The following CNTNAP2 variants were observed in gnomAD, a reference collection of about 807,000 sequenced individuals.
CNTNAP2 encodes contactin associated protein 2, also known as contactin-associated protein-like 2.
CNTNAP2 carries 98 observed loss-of-function variants against 155.2 expected under a neutral mutation model. The ratio of observed to expected loss-of-function variants is 0.63; its 90% CI spans 0.54 to 0.75. CNTNAP2 has a LOEUF of 0.75. Among genes scored for constraint, CNTNAP2 ranks in the 30% least tolerant of loss-of-function variants. The pLI, the probability that CNTNAP2 is intolerant of heterozygous loss-of-function variation, is 0.00. For synonymous variants in CNTNAP2, 651 were observed against 631.2 expected (o/e 1.03, Z -0.47); for missense variants, 1,727 against 1,688.1 (o/e 1.02, Z -0.40).
intron 2 of CNTNAP2, among the ~76,000 whole-genome samples, chr7:146,786,394 T>C (rs960715739): frequency 2.6e-5 from 4 of 152,226 alleles, no homozygotes; most frequent in Admixed American, 1.3e-4. Flanking sequence ...AATTAGTGAC[T>C]TTTTCACATT....
At chr7:147,491,172 C>T (rs1408560226) in intron 11 of CNTNAP2, among the ~76,000 whole-genome samples, 2 of 152,166 alleles carry the variant, frequency 1.3e-5, no homozygotes, top group South Asian at 4.1e-4. Flanking sequence ...GTTCACCTGG[C>T]TTGCCAGGTC....
chr7:146,658,852 T>C (rs1800037356), intron 1 of CNTNAP2, among the ~76,000 whole-genome samples: 1 of 152,012 alleles, frequency 6.6e-6, no homozygotes. Flanking sequence ...GGATTACAGG[T>C]GGAGAGAAAT....
At chr7:146,130,988 A>G (rs1321930178) in intron 1 of CNTNAP2, among the ~76,000 whole-genome samples, 1 of 152,212 alleles carries the variant, frequency 6.6e-6, no homozygotes, top group Admixed American at 6.5e-5. Context: ...TTGGGGATTA[A>G]GAGGGTTACA....
chr7:147,603,242 A>G (rs1199534063), intron 12 of CNTNAP2, among the ~76,000 whole-genome samples: 1 of 151,942 alleles, frequency 6.6e-6, no homozygotes, highest in Non-Finnish European at 1.5e-5. Flanking sequence ...GCCAGTGATG[A>G]TGAGCATTTT....
At chr7:147,220,801 C>T (rs1022146172) in intron 8 of CNTNAP2, among the ~76,000 whole-genome samples, 2 of 152,028 alleles carry the variant, frequency 1.3e-5, no homozygotes, top group African/African-American at 4.8e-5. Context: ...TCAACCTCCA[C>T]CTCCCAAGTT....
chr7:146,146,668 A>C (rs1797962270), intron 1 of CNTNAP2, among the ~76,000 whole-genome samples: 1 of 152,138 alleles, frequency 6.6e-6, no homozygotes, highest in Non-Finnish European at 1.5e-5. Context: ...GTGAGCTAGA[A>C]AGTTTTGAAA....
At chr7:148,029,230 G>C (rs530167690) in intron 15 of CNTNAP2, among the ~76,000 whole-genome samples, 21 of 152,028 alleles carry the variant, frequency 1.4e-4, no homozygotes, top group Non-Finnish European at 2.8e-4. Flanking sequence ...ACAAACACAC[G>C]CACAACTCCA....
intron 13 of CNTNAP2, among the ~76,000 whole-genome samples, chr7:147,859,116 C>G (rs1351499035): frequency 6.6e-6 from 1 of 152,012 alleles, no homozygotes; most frequent in Non-Finnish European, 1.5e-5. Flanking sequence ...TATAAATGCC[C>G]TAAGATGATT....
chr7:148,318,395 C>G (rs1350866312), intron 21 of CNTNAP2, among the ~76,000 whole-genome samples: 1 of 152,204 alleles, frequency 6.6e-6, no homozygotes, highest in Non-Finnish European at 1.5e-5. Flanking sequence ...ATCTGTGAAG[C>G]GTGTGTGATT....
At chr7:148,086,278 T>C (rs1803728345) in intron 15 of CNTNAP2, among the ~76,000 whole-genome samples, 2 of 152,204 alleles carry the variant, frequency 1.3e-5, no homozygotes, top group Admixed American at 1.3e-4. Context: ...TGCCCATTTT[T>C]TAGTTTTATG....
chr7:147,768,569 T>C (rs534446547), intron 13 of CNTNAP2, among the ~76,000 whole-genome samples: 1 of 152,148 alleles, frequency 6.6e-6, no homozygotes, highest in South Asian at 2.1e-4. Flanking sequence ...TTATTTCTTA[T>C]GTTCCCACTG....
chr7:147,599,292 C>T (rs573046988), intron 12 of CNTNAP2, among the ~76,000 whole-genome samples: 4 of 151,476 alleles, frequency 2.6e-5, no homozygotes. Flanking sequence ...GCGTGACCAA[C>T]ATGGAGAAAC....
In CNTNAP2 at chr7:147,719,462, T is replaced by C. The variant is rs147273494; in HGVS notation, c.2098+80156T>C. The stretch of plus-strand genomic sequence containing the variant: ...ACATAACAATCTGGCAGAATTTGAG[T>C]GAATCTGCCAGCTTCTGTACACAGA... On this transcript the variant is annotated intron_variant, in intron 13 of 23. Transcript: ENST00000361727. Among the ~76,000 whole-genome samples the C allele has an allele frequency of 5.8e-3, 888 of 152,210 alleles. 4 individuals carry two copies. The highest frequency in any genetic ancestry group is 0.021 in the African/African-American group (854 of 41,554).
At chr7:147,147,004 G>T (rs1202098324) in intron 8 of CNTNAP2, among the ~76,000 whole-genome samples, 1 of 152,178 alleles carries the variant, frequency 6.6e-6, no homozygotes, top group East Asian at 1.9e-4. Context: ...CTGCTGTGAA[G>T]AAATATCAGA....
intron 4 of CNTNAP2, among the ~76,000 whole-genome samples, chr7:147,083,565 CACATATATATGTATATATATAT>C (rs1800189139): frequency 1.4e-5 from 2 of 139,002 alleles, no homozygotes; most frequent in Admixed American, 7.3e-5. Context: ...TATATATATA[CACATATATATGTATATATATAT>C]ACACACACAC....
intron 6 of CNTNAP2, 139 bp from the exon 7 acceptor site, chr7:147,128,554 T>C (rs1477707516): frequency 3.5e-6 from 3 of 863,614 alleles, no homozygotes; most frequent in Non-Finnish European, 5.6e-6. Context: ...TAATATGCCA[T>C]AGATTTTGGA....
At chr7:146,908,178 T>A (rs902822082) in intron 3 of CNTNAP2, among the ~76,000 whole-genome samples, 10 of 152,194 alleles carry the variant, frequency 6.6e-5, no homozygotes, top group Admixed American at 3.3e-4. Flanking sequence ...ACAAAGAGAC[T>A]TAGACTCCCA....
intron 9 of CNTNAP2, among the ~76,000 whole-genome samples, chr7:147,390,218 AGTTACATAAT>A (rs1379383167): frequency 6.6e-6 from 1 of 152,198 alleles, no homozygotes; most frequent in Non-Finnish European, 1.5e-5. Flanking sequence ...ATATTCCACC[AGTTACATAAT>A]GTTTCACAGG....
At chr7:147,288,020 C>T (rs1171058445) in intron 8 of CNTNAP2, among the ~76,000 whole-genome samples, 4 of 152,006 alleles carry the variant, frequency 2.6e-5, no homozygotes, top group African/African-American at 9.7e-5. Context: ...TTCCTCAGTC[C>T]TTCCCCCTTA....
Sources: gnomAD v4.1 joint callset for allele counts (sites outside exome capture counted in the v4.1 genomes callset) on GRCh38, gnomAD v4.1.1 for gene constraint, MANE v1.5 for transcripts, NCBI Gene and HGNC (gene_info 2026-07-23, HGNC 2026-07-21) for gene names.